The following LCP2 variants were observed in gnomAD, a reference collection of about 807,000 sequenced individuals.
LCP2 encodes the protein lymphocyte cytosolic protein 2, also known as 76 kDa tyrosine phosphoprotein.
A neutral mutation model predicts 74.5 loss-of-function variants in LCP2; 29 were observed. That is an observed-to-expected ratio of 0.39 (90% CI 0.29 to 0.53). The LOEUF (loss-of-function observed/expected upper bound fraction) is 0.53. LCP2 is among the 20% of genes least tolerant of loss of function. The pLI is 0.72. For synonymous variants in LCP2, 228 were observed against 229.5 expected (o/e 0.99, Z 0.06); for missense variants, 604 against 634.6 (o/e 0.95, Z 0.52).
chr5:170,267,385 T>C (rs530092885), intron 8 of LCP2: 53 of 460,336 alleles, frequency 1.2e-4, no homozygotes, highest in African/African-American at 1.0e-3. Context: ...CTGGCCCATG[T>C]CTGCCCTCTC....
intron 18 of LCP2, 130 bp downstream of exon 18, chr5:170,252,989 C>CT (rs1289793253): frequency 5.7e-5 from 36 of 635,160 alleles, no homozygotes; most frequent in South Asian, 1.3e-4. Flanking sequence ...TCTCCTTTAA[C>CT]TTTTTTTTCA....
At chr5:170,275,227 T>C (rs2113188645) in intron 5 of LCP2, 93 bp downstream of exon 5, 1 of 1,368,920 alleles carries the variant, frequency 7.3e-7, no homozygotes, top group Non-Finnish European at 1.0e-6. Flanking sequence ...GTCACCTGAA[T>C]GAACTCAAGG....
chr5:170,291,175 A>G lies in LCP2; in HGVS notation c.141+2135T>C, dbSNP rs138805635. Among the ~76,000 whole-genome samples the G allele has an allele frequency of 3.3e-3, 466 of 142,650 alleles. 3 individuals are homozygous for G. The highest frequency in any genetic ancestry group is 0.012 in the African/African-American group (438 of 35,828). 93.6% of individuals were successfully genotyped at this position (142,650 alleles called of 152,430 possible). ...AGAGGGGAGGACAAGGGAAGGGAGG[A>G]AGGAAGAAAGGAAGGAAAGAAGGCA... On this transcript the variant is annotated intron_variant, in intron 2 of 20. Coordinates refer to ENST00000046794, the MANE Select transcript of LCP2 (RefSeq NM_005565.5).
In LCP2 at chr5:170,297,648, T is replaced by C. The variant is rs765526633; in HGVS notation, c.-37A>G. Reference sequence around the variant, plus strand: ...CGGGAAGAAGCTCACAAGCTGAGCATGGGCGCTTCACCCATGGGCAGAGAA... The same window carrying C: ...CGGGAAGAAGCTCACAAGCTGAGCACGGGCGCTTCACCCATGGGCAGAGAA... On this transcript the variant is annotated 5_prime_UTR_variant, in exon 1 of 21. An upstream start codon of the reference 5' UTR is lost. Transcript: ENST00000046794. The C allele has an allele frequency of 7.6e-6, 12 of 1,571,604 alleles. No homozygotes were observed. Among genetic ancestry groups the C allele is most frequent in the Non-Finnish European group, 5.2e-6 (6 of 1,153,890 alleles).
intron 3 of LCP2, among the ~76,000 whole-genome samples, chr5:170,283,303 C>G (rs1444490732): frequency 6.6e-6 from 1 of 152,226 alleles, no homozygotes; most frequent in Non-Finnish European, 1.5e-5. Flanking sequence ...CCCGTTCACA[C>G]TAACCAGAAA....
intron 3 of LCP2, among the ~76,000 whole-genome samples, chr5:170,283,985 G>C (rs776269782): frequency 2.0e-5 from 3 of 152,164 alleles, no homozygotes; most frequent in Non-Finnish European, 4.4e-5. Context: ...TAATTGCTTT[G>C]CTTGTCTGTC....
At chr5:170,255,176 G>A (rs1761527733) in intron 17 of LCP2, among the ~76,000 whole-genome samples, 1 of 152,180 alleles carries the variant, frequency 6.6e-6, no homozygotes, top group Admixed American at 6.5e-5. Context: ...TAGGGGTTGG[G>A]CGAGAAACTG....
chr5:170,261,261 G>A (rs1761645231), intron 13 of LCP2, 124 bp from the exon 14 acceptor site: 4 of 707,742 alleles, frequency 5.7e-6, no homozygotes, highest in Admixed American at 2.2e-5. Context: ...GGGAAGATGG[G>A]AAGCAACAGA....
chr5:170,262,768 T>C, intron 12 of LCP2, 26 bp from the exon 13 acceptor site: 1 of 1,613,562 alleles, frequency 6.2e-7, no homozygotes. Flanking sequence ...AAAGGATGTG[T>C]AAGAAACAAA....
At chr5:170,293,702 C>T (rs554245560) in intron 1 of LCP2, among the ~76,000 whole-genome samples, 2 of 152,342 alleles carry the variant, frequency 1.3e-5, no homozygotes, top group Admixed American at 6.5e-5. Context: ...TCCATTGTCT[C>T]GATGCCCAGA....
intron 6 of LCP2, among the ~76,000 whole-genome samples, chr5:170,271,945 A>G (rs1277738953): frequency 1.3e-5 from 2 of 152,192 alleles, no homozygotes; most frequent in African/African-American, 2.4e-5. Flanking sequence ...CTTGAGGAAT[A>G]TTAAAAACAT....
chr5:170,272,612 T>C (rs7726275), intron 6 of LCP2, among the ~76,000 whole-genome samples: 2 of 117,878 alleles, frequency 1.7e-5, no homozygotes, highest in Non-Finnish European at 3.5e-5. Flanking sequence ...TTTTTTTTTT[T>C]TTTTTTTTTT....
chr5:170,260,122 C>T lies in LCP2; in HGVS notation c.957+985G>A, dbSNP rs373329815. On this transcript the variant is annotated intron_variant, in intron 14 of 20. Transcript: ENST00000046794. ...TTTAAGAATGACTCTATTCTGTGTC[C>T]TCCCTATCATTGAATGACCAGCATA... Among the ~76,000 whole-genome samples the T allele has an allele frequency of 8.5e-4, 130 of 152,316 alleles. 4 individuals carry two copies. In the South Asian group the frequency reaches 0.026, roughly 31 times the overall value.
rs769576361 is a variant in LCP2 at position 170,270,828 on chromosome 5, G to T, written c.414C>A (p.Pro138=). 5.0e-6 allele frequency: 8 copies of T among 1,611,866 alleles called. No homozygotes were observed. The South Asian group carries it at 8.8e-5, about 18-fold the overall frequency. The change falls in exon 7 of 21, where the codon CCC becomes CCA. Residue 138 remains proline (P), a synonymous_variant. Coordinates refer to ENST00000046794, the MANE Select transcript of LCP2 (RefSeq NM_005565.5). ...GCTCATAATCCGCGTCATCTTCCACGGGTGCCTCTTCCTCCTCATTGGGGG... is the reference window on the plus strand; with the variant it reads ...GCTCATAATCCGCGTCATCTTCCACTGGTGCCTCTTCCTCCTCATTGGGGG... ...YESPNEEEEA[P]VEDDADYEPP...
At position 170,293,289 on chromosome 5, in the gene LCP2, GTT is replaced by G. The variant is rs1762320282; in HGVS notation, c.141+19_141+20del. The G allele has an allele frequency of 6.2e-7, 1 of 1,601,996 alleles. No homozygotes were observed. The highest frequency in any genetic ancestry group is 1.3e-5 in the African/African-American group (1 of 74,752). On this transcript the variant is annotated intron_variant, in intron 2 of 20. Transcript: ENST00000046794. Reference sequence around the variant, plus strand: ...TGCCGAACAGTCTTGGTTTCAGTGTGTTGGACTAGCCAGAGCTTACCAAGAAG... The same window carrying G: ...TGCCGAACAGTCTTGGTTTCAGTGTGGGACTAGCCAGAGCTTACCAAGAAG...
At chr5:170,282,684 C>T (rs1047915232) in intron 3 of LCP2, among the ~76,000 whole-genome samples, 2 of 152,066 alleles carry the variant, frequency 1.3e-5, no homozygotes, top group African/African-American at 4.8e-5. Context: ...TGTTATTTTC[C>T]CATTATTTCC....
intron 1 of LCP2, among the ~76,000 whole-genome samples, chr5:170,294,915 C>T (rs556059483): frequency 1.3e-5 from 2 of 152,338 alleles, no homozygotes; most frequent in South Asian, 4.1e-4. Flanking sequence ...GATTCTGCTC[C>T]AGCAAGATCT....
At chr5:170,291,474 T>G (rs1376847778) in intron 2 of LCP2, among the ~76,000 whole-genome samples, 1 of 152,238 alleles carries the variant, frequency 6.6e-6, no homozygotes. Flanking sequence ...CCTATCACCC[T>G]ACTTTGCACT....
chr5:170,268,101 A>G (rs1303174464), intron 8 of LCP2, among the ~76,000 whole-genome samples: 1 of 152,080 alleles, frequency 6.6e-6, no homozygotes, highest in East Asian at 1.9e-4. Flanking sequence ...CCCAGGCAAC[A>G]CCAGTAGGTG....
Sources: allele counts gnomAD v4.1 joint callset (sites outside exome capture counted in the v4.1 genomes callset), GRCh38; gene constraint gnomAD v4.1.1; transcripts MANE v1.5; gene names NCBI Gene and HGNC (gene_info 2026-07-23, HGNC 2026-07-21).